Variants in POLR2B observed in about 807,000 individuals in gnomAD.
POLR2B encodes DNA-directed RNA polymerase II subunit RPB2.
POLR2B carries 57 observed loss-of-function variants against 144.6 expected under a neutral mutation model. That is an observed-to-expected ratio of 0.39 (90% confidence interval 0.32 to 0.49). The LOEUF is 0.49. POLR2B is among the 20% of genes least tolerant of loss of function. The pLI, the probability that POLR2B is intolerant of heterozygous loss-of-function variation, is 0.83. For synonymous variants in POLR2B, 442 were observed against 469.8 expected (o/e 0.94, Z 0.77); for missense variants, 595 against 1,467.4 (o/e 0.41, Z 9.71).
At chr4:57,013,975 AC>A (rs1388310001) in intron 13 of POLR2B, among the ~76,000 whole-genome samples, 1 of 151,454 alleles carries the variant, frequency 6.6e-6, no homozygotes, top group East Asian at 1.9e-4. Flanking sequence ...AGAGAAAAAG[AC>A]CCATAGAGCT....
At chr4:57,000,877 G>A (rs891159882) in intron 7 of POLR2B, among the ~76,000 whole-genome samples, 4 of 151,992 alleles carry the variant, frequency 2.6e-5, no homozygotes, top group East Asian at 1.9e-4. Flanking sequence ...TGTATTTTTA[G>A]TAGAGACGGG....
At chr4:56,996,436 G>A (rs1294965807) in intron 6 of POLR2B, among the ~76,000 whole-genome samples, 2 of 149,970 alleles carry the variant, frequency 1.3e-5, no homozygotes, top group African/African-American at 2.4e-5. Context: ...GCCCGCCACC[G>A]CGCCCGGCTA....
intron 13 of POLR2B, among the ~76,000 whole-genome samples, chr4:57,011,725 A>G (rs200853981): frequency 1.3e-5 from 2 of 152,234 alleles, no homozygotes; most frequent in East Asian, 3.9e-4. Context: ...CAGGAAGCTG[A>G]AGCAGGAGAA....
intron 7 of POLR2B, among the ~76,000 whole-genome samples, chr4:57,000,651 C>T (rs1199705585): frequency 1.3e-5 from 2 of 152,100 alleles, no homozygotes; most frequent in South Asian, 2.1e-4. Context: ...CTTAAATAAT[C>T]GTAGTATAAT....
Position 57,010,363 on chromosome 4 carries a change from G to T in POLR2B, c.1407G>T (p.Val469=), listed in dbSNP as rs1330501683. 1 of 1,613,128 alleles carries T rather than the reference G, an allele frequency of 6.2e-7. No homozygotes were observed. Among genetic ancestry groups the T allele is most frequent in the Admixed American group, 1.7e-5 (1 of 59,790 alleles). The change falls in exon 11 of 25, where the codon GTG becomes GTT. Residue 469 remains valine, a splice_region_variant and synonymous_variant. Coordinates refer to ENST00000314595, the MANE Select transcript of POLR2B (RefSeq NM_000938.3). ...AAAGATTGGCTATTTTTTTCTAGGT[G>T]TTAAACCGCCTGACTTTTGCGTCTA... The part of the protein sequence containing the change: ...AHQARAGVSQ[V]LNRLTFASTL...
At position 57,030,255 on chromosome 4, in the gene POLR2B, T is replaced by C. The variant is rs1369781788; in HGVS notation, c.3291T>C (p.His1097=). 5 of 1,614,170 alleles carry C rather than the reference T, an allele frequency of 3.1e-6. No individual in the cohort carries two copies. The highest frequency in any genetic ancestry group is 3.4e-6 in the Non-Finnish European group (4 of 1,179,992). Residue 1097 remains histidine, a synonymous_variant, in exon 24 of 25, where the codon CAT becomes CAC. Coordinates refer to ENST00000314595, the MANE Select transcript of POLR2B (RefSeq NM_000938.3). The part of the protein sequence containing the change: ...GEMERDCQIA[H]GAAQFLRERL... ...TGGAACGAGATTGTCAGATTGCCCA[T>C]GGAGCAGCCCAGTTTTTAAGGGAAA... is the stretch of plus-strand genomic sequence containing the variant.
chr4:56,999,832 T>A, intron 7 of POLR2B, 51 bp downstream of exon 7: 1 of 1,288,022 alleles, frequency 7.8e-7, no homozygotes, highest in Non-Finnish European at 1.1e-6. Flanking sequence ...GATTTAGAGT[T>A]ACTGATTGTT....
chr4:56,985,760 G>C (rs1255349604), intron 1 of POLR2B, among the ~76,000 whole-genome samples: 1 of 152,144 alleles, frequency 6.6e-6, no homozygotes, highest in Non-Finnish European at 1.5e-5. Flanking sequence ...AAACTTCATT[G>C]CCTTTTCTGA....
intron 23 of POLR2B, among the ~76,000 whole-genome samples, chr4:57,029,019 G>T (rs973757974): frequency 2.6e-5 from 4 of 152,098 alleles, no homozygotes; most frequent in African/African-American, 9.7e-5. Context: ...TTTGTCCAGG[G>T]CTTGAGACTG....
At chr4:57,008,449 G>A (rs1231274516) in intron 10 of POLR2B, among the ~76,000 whole-genome samples, 2 of 152,100 alleles carry the variant, frequency 1.3e-5, no homozygotes, top group African/African-American at 2.4e-5. Context: ...TGATCTGCCC[G>A]CCTCGGCCTC....
At chr4:57,021,930 A>T (rs1054993252) in intron 17 of POLR2B, among the ~76,000 whole-genome samples, 2 of 152,326 alleles carry the variant, frequency 1.3e-5, no homozygotes, top group South Asian at 4.1e-4. Context: ...CCATTTTGAC[A>T]TATAATACTA....
intron 3 of POLR2B, among the ~76,000 whole-genome samples, chr4:56,991,642 G>A (rs141959785): frequency 2.6e-5 from 4 of 152,284 alleles, no homozygotes; most frequent in Non-Finnish European, 5.9e-5. Context: ...TATCTCCTAA[G>A]TGCTGGTCTG....
chr4:57,028,306 A>G (rs2109726189), intron 23 of POLR2B, among the ~76,000 whole-genome samples: 1 of 152,138 alleles, frequency 6.6e-6, no homozygotes, highest in East Asian at 1.9e-4. Context: ...ATTTTACTTT[A>G]TTTTTTATAT....
chr4:57,026,799 G>C (rs1051586988), intron 23 of POLR2B, among the ~76,000 whole-genome samples: 4 of 152,056 alleles, frequency 2.6e-5, no homozygotes, highest in Non-Finnish European at 5.9e-5. Context: ...CATGTTTAAT[G>C]AAAAATATAT....
At chr4:57,007,255 C>A (rs1016818079) in intron 10 of POLR2B, among the ~76,000 whole-genome samples, 1 of 151,996 alleles carries the variant, frequency 6.6e-6, no homozygotes, top group African/African-American at 2.4e-5. Context: ...ATTAAAGATA[C>A]AAAAATTAGC....
At chr4:56,995,995 G>C (rs1206475095) in intron 6 of POLR2B, among the ~76,000 whole-genome samples, 1 of 152,020 alleles carries the variant, frequency 6.6e-6, no homozygotes, top group Non-Finnish European at 1.5e-5. Flanking sequence ...CACTAAAGAG[G>C]GTATTACAAG....
chr4:57,022,091 A>G (rs1723571120), intron 17 of POLR2B, 61 bp from the exon 18 acceptor site: 1 of 908,386 alleles, frequency 1.1e-6, no homozygotes, highest in African/African-American at 1.7e-5. Flanking sequence ...AATTGTTGGT[A>G]TAGTCTCAGC....
chr4:57,022,839 G>T (rs1723595984), intron 18 of POLR2B, among the ~76,000 whole-genome samples: 1 of 152,140 alleles, frequency 6.6e-6, no homozygotes. Flanking sequence ...CCATCTTCCT[G>T]TTACTCCCCT....
chr4:56,990,181 A>C (rs76027117), intron 2 of POLR2B, among the ~76,000 whole-genome samples: 4,384 of 152,242 alleles, frequency 0.029, 317 homozygotes, highest in East Asian at 0.25. Context: ...ATATTTGTCA[A>C]GAAGTACTTC....
Sources: allele counts gnomAD v4.1 joint callset (sites outside exome capture counted in the v4.1 genomes callset), GRCh38; gene constraint gnomAD v4.1.1; transcripts MANE v1.5; gene names NCBI Gene and HGNC (gene_info 2026-07-23, HGNC 2026-07-21).